Variants in ADAM19 observed in about 807,000 individuals in gnomAD.
ADAM19 encodes ADAM metallopeptidase domain 19.
In ADAM19, 65 loss-of-function variants were observed where a neutral mutation model predicts 114.7. The ratio of observed to expected loss-of-function variants is 0.57; its 90% confidence interval spans 0.46 to 0.70. The LOEUF is 0.70. Among genes scored for constraint, ADAM19 ranks in the 30% least tolerant of loss-of-function variants. The pLI, the probability that ADAM19 is intolerant of heterozygous loss-of-function variation, is 0.00. For missense variants in ADAM19, 1,063 were observed against 1,204.7 expected (o/e 0.88, Z 1.74); for synonymous variants, 466 against 460.5 (o/e 1.01, Z -0.15).
At chr5:157,573,630 C>T (rs2113804954) in intron 1 of ADAM19, among the ~76,000 whole-genome samples, 1 of 152,082 alleles carries the variant, frequency 6.6e-6, no homozygotes, top group East Asian at 1.9e-4. Context: ...CCAATAAGCC[C>T]AGCTACTCAG....
intron 21 of ADAM19, among the ~76,000 whole-genome samples, chr5:157,484,940 G>C (rs1385643302): frequency 6.6e-6 from 1 of 152,246 alleles, no homozygotes; most frequent in Non-Finnish European, 1.5e-5. Context: ...ACCAGCCACA[G>C]GCCACATCTG....
chr5:157,519,882 C>T lies in ADAM19; in HGVS notation c.557G>A (p.Trp186Ter). 1 of 1,614,058 alleles carries T rather than the reference C, an allele frequency of 6.2e-7. No individual in the cohort carries two copies. The highest frequency in any genetic ancestry group is 8.5e-7 in the Non-Finnish European group (1 of 1,179,998). ...FEHSKPTTRD[W>*]ALQFTQQTKK... ...GGTCTGTTGTGTAAACTGAAGAGCC[C>T]AGTCCCTGGTGGTGGGCTTGGAGTG... The change falls in exon 6 of 23, where the codon TGG becomes TAG. Residue 186 changes from tryptophan to a stop codon, truncating the protein, a stop_gained. Coordinates refer to ENST00000257527, the MANE Select transcript of ADAM19 (RefSeq NM_033274.5). LOFTEE classifies it high-confidence loss of function.
At chr5:157,481,678 A>T (rs1333792718) in intron 22 of ADAM19, 113 bp downstream of exon 22, 1 of 1,551,616 alleles carries the variant, frequency 6.4e-7, no homozygotes, top group East Asian at 2.4e-5. Flanking sequence ...TTGTTCTGGA[A>T]GTTCAGTCCA....
intron 7 of ADAM19, among the ~76,000 whole-genome samples, chr5:157,517,246 C>A (rs113007430): frequency 6.6e-6 from 1 of 152,172 alleles, no homozygotes; most frequent in East Asian, 1.9e-4. Flanking sequence ...GGTACAGCTG[C>A]CTTAGAATGA....
intron 12 of ADAM19, among the ~76,000 whole-genome samples, chr5:157,501,682 G>T (rs903823901): frequency 4.6e-5 from 7 of 150,776 alleles, no homozygotes; most frequent in Admixed American, 4.6e-4. Flanking sequence ...TGGTGGTGGG[G>T]GTGGCATCCT....
At position 157,479,865 on chromosome 5, in the gene ADAM19, C is replaced by T. The variant is rs866315715; in HGVS notation, c.*1084G>A. 2.0e-6 allele frequency: 2 copies of T among 985,520 alleles called. No homozygotes were observed. The highest frequency in any genetic ancestry group is 4.7e-5 in the South Asian group (1 of 21,286). The allele number at this position is 985,520 out of a possible 1,614,324, so 61.0% of individuals were successfully genotyped here. On this transcript the variant is annotated 3_prime_UTR_variant, in exon 23 of 23. Coordinates refer to ENST00000257527, the MANE Select transcript of ADAM19 (RefSeq NM_033274.5). The stretch of plus-strand genomic sequence containing the variant: ...GTGTACTTTGTAAATAGCTGGGCTC[C>T]CTAAGGGGAAACCTCACCTAGATTT...
In ADAM19 at chr5:157,560,121, C is replaced by T. The variant is rs567936155; in HGVS notation, c.251+4252G>A. ...TCTACTAAAAATACAAAAAATTAGC[C>T]GGGCGTAGTGGCGGGCGCCTGTAGT... On this transcript the variant is annotated intron_variant, in intron 3 of 22. Coordinates refer to ENST00000257527, the MANE Select transcript of ADAM19 (RefSeq NM_033274.5). 1.7e-3 allele frequency among the ~76,000 whole-genome samples: 251 copies of T among 151,150 alleles called. 1 individual carries two copies. The Middle Eastern group carries it at 0.02, about 12-fold the overall frequency.
chr5:157,529,825 T>C lies in ADAM19; in HGVS notation c.407+982A>G, dbSNP rs552123895. On this transcript the variant is annotated intron_variant, in intron 5 of 22. Transcript: ENST00000257527. The stretch of plus-strand genomic sequence containing the variant: ...AAACTGCTACCAGCTCAAAGCCAGG[T>C]AGTCTCACTCAGAGAAGGAAGGGTC... 1.3e-4 allele frequency among the ~76,000 whole-genome samples: 20 copies of C among 152,312 alleles called. No individual in the cohort carries two copies. The South Asian group carries it at 4.2e-3, about 32-fold the overall frequency.
chr5:157,568,148 T>G (rs926931747), intron 2 of ADAM19: 3 of 152,124 alleles, frequency 2.0e-5, no homozygotes, highest in African/African-American at 7.2e-5. Flanking sequence ...CTAATCTTTG[T>G]AATTTTAGTA....
At chr5:157,510,040 T>C (rs1318964422) in intron 8 of ADAM19, among the ~76,000 whole-genome samples, 1 of 152,242 alleles carries the variant, frequency 6.6e-6, no homozygotes, top group Non-Finnish European at 1.5e-5. Flanking sequence ...ATGTGAGCCT[T>C]ATCTTTCTTA....
chr5:157,528,348 T>C (rs1756530443), intron 5 of ADAM19, among the ~76,000 whole-genome samples: 1 of 152,176 alleles, frequency 6.6e-6, no homozygotes, highest in Admixed American at 6.5e-5. Context: ...GCTGGAATGA[T>C]TTACAAGACG....
intron 5 of ADAM19, among the ~76,000 whole-genome samples, chr5:157,523,489 T>A (rs955835243): frequency 6.6e-6 from 1 of 152,116 alleles, no homozygotes; most frequent in East Asian, 1.9e-4. Flanking sequence ...CAAATTCCCA[T>A]GAGAGTTTCC....
In ADAM19 at chr5:157,496,947, T is replaced by C; in HGVS notation, c.1541A>G (p.Tyr514Cys). 1.3e-6 allele frequency: 2 copies of C among 1,598,740 alleles called. No individual in the cohort carries two copies. Among genetic ancestry groups the C allele is most frequent in the Non-Finnish European group, 1.7e-6 (2 of 1,173,558 alleles). ...TPCEGGQAYC[Y>C]NGMCLTYQEQ... ...CTGGTAGGTGAGGCACATGCCGTTG[T>C]AGCAGTAGGCCTGGCCGCCCTCACA... The change falls in exon 14 of 23, where the codon TAC (tyrosine) becomes TGC (cysteine). Residue 514 changes from tyrosine to cysteine, a missense_variant. This residue lies in a region of ADAM19 where 615 missense variants were observed against 706.3 expected (regional missense o/e 0.87). Coordinates refer to ENST00000257527, the MANE Select transcript of ADAM19 (RefSeq NM_033274.5).
At chr5:157,541,502 T>G (rs145994396) in intron 3 of ADAM19, among the ~76,000 whole-genome samples, 3 of 151,964 alleles carry the variant, frequency 2.0e-5, no homozygotes, top group Non-Finnish European at 2.9e-5. Context: ...AGCACTAGAG[T>G]TGAGCAAAAT....
intron 3 of ADAM19, among the ~76,000 whole-genome samples, chr5:157,552,584 C>G (rs1002961752): frequency 6.9e-6 from 1 of 144,426 alleles, no homozygotes; most frequent in Non-Finnish European, 1.5e-5. Flanking sequence ...GAGGCTGAGA[C>G]AGGAGAATTG....
chr5:157,550,657 T>A (rs1439095232), intron 3 of ADAM19, among the ~76,000 whole-genome samples: 1 of 150,350 alleles, frequency 6.7e-6, no homozygotes, highest in Non-Finnish European at 1.5e-5. Flanking sequence ...CTATATGGTA[T>A]GTGAGTTGTA....
intron 3 of ADAM19, among the ~76,000 whole-genome samples, chr5:157,553,265 T>A (rs1455640081): frequency 1.3e-5 from 2 of 152,202 alleles, no homozygotes; most frequent in African/African-American, 4.8e-5. Context: ...TCACATTGCA[T>A]GTTTGTATCA....
chr5:157,481,407 C>CAA (rs2113680889), intron 22 of ADAM19: 1 of 613,904 alleles, frequency 1.6e-6, no homozygotes, highest in East Asian at 2.8e-5. Context: ...CACAGCCTCC[C>CAA]GCAGGCCAGG....
At chr5:157,535,046 GT>G (rs1212456791) in intron 4 of ADAM19, among the ~76,000 whole-genome samples, 12 of 115,040 alleles carry the variant, frequency 1.0e-4, no homozygotes, top group Admixed American at 7.2e-4. Flanking sequence ...TCTGTAAAAT[GT>G]GGGGTTGGAA....
Sources: gnomAD v4.1 joint callset for allele counts (sites outside exome capture counted in the v4.1 genomes callset) on GRCh38, gnomAD v4.1.1 for gene constraint, gnomAD v4.1.1 regional missense constraint, MANE v1.5 for transcripts, NCBI Gene and HGNC (gene_info 2026-07-23, HGNC 2026-07-21) for gene names.